Variants in HTR7 observed in about 807,000 individuals in gnomAD.
HTR7 encodes 5-hydroxytryptamine receptor 7.
HTR7 carries 16 observed loss-of-function variants against 34.0 expected under a neutral mutation model. The observed-to-expected ratio is 0.47, with a 90% CI of 0.32 to 0.71. HTR7 has a LOEUF of 0.71. Ranked by LOEUF, HTR7 falls within the 30% of genes least tolerant of loss-of-function variation. HTR7 has a pLI of 0.04. For synonymous variants in HTR7, 265 were observed against 260.2 expected (o/e 1.02, Z -0.18); for missense variants, 504 against 625.5 (o/e 0.81, Z 2.07).
intron 1 of HTR7, among the ~76,000 whole-genome samples, chr10:90,854,826 G>T (rs914566405): frequency 6.6e-6 from 1 of 152,084 alleles, no homozygotes; most frequent in African/African-American, 2.4e-5. Context: ...CAACAATATT[G>T]TAATTAATCT....
At chr10:90,765,451 T>G (rs749020584) in intron 1 of HTR7, among the ~76,000 whole-genome samples, 3 of 152,082 alleles carry the variant, frequency 2.0e-5, no homozygotes, top group Non-Finnish European at 4.4e-5. Context: ...GTTAATGGTT[T>G]GTTGATTTAT....
At chr10:90,780,984 G>A (rs1041273514) in intron 1 of HTR7, among the ~76,000 whole-genome samples, 2 of 152,142 alleles carry the variant, frequency 1.3e-5, no homozygotes, top group African/African-American at 4.8e-5. Context: ...GACAGATATG[G>A]CTTGAAATTT....
intron 1 of HTR7, among the ~76,000 whole-genome samples, chr10:90,827,949 T>C (rs1475244852): frequency 6.6e-6 from 1 of 152,172 alleles, no homozygotes; most frequent in Non-Finnish European, 1.5e-5. Flanking sequence ...TTCTCAAGGA[T>C]AGACCATATA....
chr10:90,764,932 T>C (rs985789491), intron 1 of HTR7, among the ~76,000 whole-genome samples: 2 of 152,148 alleles, frequency 1.3e-5, no homozygotes. Context: ...TTGCTAGTAT[T>C]AATATTATGC....
At chr10:90,806,800 G>C (rs1476331750) in intron 1 of HTR7, among the ~76,000 whole-genome samples, 1 of 152,104 alleles carries the variant, frequency 6.6e-6, no homozygotes, top group African/African-American at 2.4e-5. Flanking sequence ...TAAAACAAAA[G>C]TAAAAGAGTG....
chr10:90,778,485 A>AC (rs1845255461), intron 1 of HTR7, among the ~76,000 whole-genome samples: 1 of 152,024 alleles, frequency 6.6e-6, no homozygotes, highest in Non-Finnish European at 1.5e-5. Flanking sequence ...ACCAGATGTG[A>AC]CCCCTCAACC....
chr10:90,791,941 A>G (rs1032077126), intron 1 of HTR7, among the ~76,000 whole-genome samples: 2 of 152,176 alleles, frequency 1.3e-5, no homozygotes, highest in African/African-American at 4.8e-5. Context: ...TACTACAAAA[A>G]GACATCAGGA....
At chr10:90,755,658 T>G (rs1287599128) in intron 1 of HTR7, among the ~76,000 whole-genome samples, 3 of 152,156 alleles carry the variant, frequency 2.0e-5, no homozygotes, top group Non-Finnish European at 2.9e-5. Flanking sequence ...ATTAGCACAA[T>G]GAAATGTCAC....
chr10:90,787,117 C>T (rs940136716), intron 1 of HTR7, among the ~76,000 whole-genome samples: 5 of 152,166 alleles, frequency 3.3e-5, no homozygotes, highest in African/African-American at 1.2e-4. Flanking sequence ...ATCCTCTAAC[C>T]GTGCCTTATT....
At chr10:90,820,372 G>A (rs1845961094) in intron 1 of HTR7, among the ~76,000 whole-genome samples, 3 of 152,134 alleles carry the variant, frequency 2.0e-5, no homozygotes, top group African/African-American at 4.8e-5. Context: ...GAAGTTTTGG[G>A]GAGAAAAGTT....
At chr10:90,773,816 C>T (rs1351993681) in intron 1 of HTR7, among the ~76,000 whole-genome samples, 3 of 152,090 alleles carry the variant, frequency 2.0e-5, no homozygotes, top group Non-Finnish European at 4.4e-5. Context: ...TACTGCATTG[C>T]GTATATGTAC....
chr10:90,758,344 C>CAAAAAAAAAGA (rs1844871020), intron 1 of HTR7, among the ~76,000 whole-genome samples: 1 of 51,916 alleles, frequency 1.9e-5, no homozygotes, highest in Admixed American at 3.2e-4. Context: ...GGCTCTGTCT[C>CAAAAAAAAAGA]AAAAAAAAAA....
chr10:90,788,518 TA>T (rs1845416352), intron 1 of HTR7, among the ~76,000 whole-genome samples: 1 of 152,132 alleles, frequency 6.6e-6, no homozygotes, highest in Non-Finnish European at 1.5e-5. Flanking sequence ...TGGATCCAGA[TA>T]TAAAGCTTAA....
chr10:90,806,471 C>T (rs546143221), intron 1 of HTR7, among the ~76,000 whole-genome samples: 20 of 152,044 alleles, frequency 1.3e-4, no homozygotes, highest in Admixed American at 3.3e-4. Flanking sequence ...TGGTGGCGGG[C>T]GCCTGTAGTC....
intron 1 of HTR7, among the ~76,000 whole-genome samples, chr10:90,759,607 A>G (rs2119715750): frequency 7.4e-6 from 1 of 135,892 alleles, no homozygotes; most frequent in East Asian, 2.5e-4. Flanking sequence ...GTGAGCCGAG[A>G]TTGCGCCACT....
At chr10:90,843,093 A>T (rs1017697204) in intron 1 of HTR7, among the ~76,000 whole-genome samples, 5 of 151,966 alleles carry the variant, frequency 3.3e-5, no homozygotes, top group Non-Finnish European at 7.4e-5. Context: ...CAGAGGCACC[A>T]TTCCCTTTTT....
At chr10:90,798,818 T>C (rs114591794) in intron 1 of HTR7, among the ~76,000 whole-genome samples, 2,469 of 152,268 alleles carry the variant, frequency 0.016, 83 homozygotes, top group African/African-American at 0.055. Context: ...GTAGGCTGAA[T>C]CAACTTTGGG....
intron 1 of HTR7, among the ~76,000 whole-genome samples, chr10:90,843,324 A>G (rs1451993105): frequency 2.6e-5 from 4 of 152,238 alleles, no homozygotes; most frequent in African/African-American, 9.6e-5. Flanking sequence ...GAGTGTACAG[A>G]TGATCCCATA....
intron 1 of HTR7, among the ~76,000 whole-genome samples, chr10:90,847,788 A>G (rs913359994): frequency 6.6e-6 from 1 of 152,240 alleles, no homozygotes; most frequent in Non-Finnish European, 1.5e-5. Context: ...GACAGCATTA[A>G]AACAATAACT....
Sources: allele counts gnomAD v4.1 joint callset (sites outside exome capture counted in the v4.1 genomes callset), GRCh38; gene constraint gnomAD v4.1.1; transcripts MANE v1.5; gene names NCBI Gene and HGNC (gene_info 2026-07-23, HGNC 2026-07-21).